DPP10: variants seen among roughly 807,000 people sequenced by gnomAD.
DPP10 encodes inactive dipeptidyl peptidase 10.
A neutral mutation model predicts 120.9 loss-of-function variants in DPP10; 33 were observed. The observed-to-expected ratio is 0.27, with a 90% confidence interval of 0.21 to 0.37. The LOEUF (loss-of-function observed/expected upper bound fraction) is 0.37. DPP10 is among the 10% of genes least tolerant of loss of function. The probability of loss-of-function intolerance (pLI) is 1.00; values close to 1 mark genes in which losing one functional copy is unlikely to be tolerated. For synonymous variants in DPP10, 337 were observed against 326.1 expected (o/e 1.03, Z -0.36); for missense variants, 816 against 942.8 (o/e 0.87, Z 1.76).
intron 5 of DPP10, among the ~76,000 whole-genome samples, chr2:115,615,477 T>G (rs935909978): frequency 1.3e-5 from 2 of 152,208 alleles, no homozygotes; most frequent in Non-Finnish European, 1.5e-5. Flanking sequence ...ACACAAATTC[T>G]GCTCTTACGA....
intron 3 of DPP10, among the ~76,000 whole-genome samples, chr2:115,491,304 G>A (rs1257581381): frequency 6.6e-6 from 1 of 152,138 alleles, no homozygotes; most frequent in Non-Finnish European, 1.5e-5. Context: ...AGGTATCCAG[G>A]GCAGGGGGAG....
chr2:115,831,572 G>T (rs919720812), intron 21 of DPP10, among the ~76,000 whole-genome samples: 1 of 152,030 alleles, frequency 6.6e-6, no homozygotes, highest in African/African-American at 2.4e-5. Context: ...GTCTGTCAGT[G>T]TATCCCTTTT....
At chr2:115,515,520 CA>C (rs2077457332) in intron 4 of DPP10, among the ~76,000 whole-genome samples, 2 of 152,048 alleles carry the variant, frequency 1.3e-5, no homozygotes, top group Admixed American at 1.3e-4. Context: ...AATTCCTGTG[CA>C]TAAGTCTTTC....
intron 1 of DPP10, among the ~76,000 whole-genome samples, chr2:115,024,713 A>ATATATTTGTTAT: frequency 6.8e-6 from 1 of 147,174 alleles, no homozygotes; most frequent in Non-Finnish European, 1.5e-5. Context: ...ATATTTGTTA[A>ATATATTTGTTAT]ATATATTTGT....
chr2:115,207,574 C>T (rs1212844725), intron 1 of DPP10, among the ~76,000 whole-genome samples: 2 of 151,976 alleles, frequency 1.3e-5, no homozygotes, highest in Non-Finnish European at 2.9e-5. Context: ...TTGTATCACA[C>T]GTAGATGGGA....
At chr2:115,301,371 C>CA (rs1266912463) in intron 1 of DPP10, among the ~76,000 whole-genome samples, 1 of 151,830 alleles carries the variant, frequency 6.6e-6, no homozygotes, top group African/African-American at 2.4e-5. Flanking sequence ...AGACAGAAAC[C>CA]AGTCCCTCAG....
intron 1 of DPP10, among the ~76,000 whole-genome samples, chr2:114,863,261 T>C (rs1689967172): frequency 6.6e-6 from 1 of 152,232 alleles, no homozygotes; most frequent in East Asian, 1.9e-4. Context: ...AGCCAGAATC[T>C]GATTCCTCCT....
At chr2:115,211,287 TAA>T in intron 1 of DPP10, among the ~76,000 whole-genome samples, 1 of 151,458 alleles carries the variant, frequency 6.6e-6, no homozygotes, top group East Asian at 1.9e-4. Flanking sequence ...GCCCAGATGA[TAA>T]GTTATCATTT....
chr2:115,026,609 C>T (rs10210056), intron 1 of DPP10, among the ~76,000 whole-genome samples: 3,447 of 152,210 alleles, frequency 0.023, 129 homozygotes, highest in African/African-American at 0.08. Flanking sequence ...CATCTCGGCT[C>T]ATTGCAACCT....
intron 1 of DPP10, among the ~76,000 whole-genome samples, chr2:114,563,131 T>C (rs1451351468): frequency 1.3e-5 from 2 of 152,206 alleles, no homozygotes; most frequent in Admixed American, 6.5e-5. Flanking sequence ...CCCAGTACTT[T>C]GGGAGGCCAA....
intron 3 of DPP10, among the ~76,000 whole-genome samples, chr2:115,464,593 C>G (rs962547697): frequency 2.0e-5 from 3 of 152,072 alleles, no homozygotes; most frequent in Non-Finnish European, 4.4e-5. Context: ...TTTACACATG[C>G]TACTCCTCAG....
At chr2:114,814,613 T>C (rs1300088168) in intron 1 of DPP10, among the ~76,000 whole-genome samples, 3 of 152,134 alleles carry the variant, frequency 2.0e-5, no homozygotes, top group African/African-American at 7.2e-5. Context: ...GCTACCGTAG[T>C]AGATATGGTG....
intron 1 of DPP10, among the ~76,000 whole-genome samples, chr2:115,067,072 C>G: frequency 6.6e-6 from 1 of 152,164 alleles, no homozygotes; most frequent in Non-Finnish European, 1.5e-5. Flanking sequence ...TTCCCTCACT[C>G]TCAAGACACT....
chr2:115,295,302 A>G (rs1476934753), intron 1 of DPP10, among the ~76,000 whole-genome samples: 1 of 152,142 alleles, frequency 6.6e-6, no homozygotes, highest in Non-Finnish European at 1.5e-5. Context: ...ATGATGTGAA[A>G]TGCATACTTG....
intron 4 of DPP10, among the ~76,000 whole-genome samples, chr2:115,508,333 AATAGAAAATAGG>A (rs140506813): frequency 0.062 from 9,451 of 152,200 alleles, 415 homozygotes; most frequent in Middle Eastern, 0.11. Flanking sequence ...CTGAAGATAC[AATAGAAAATAGG>A]AGAGAAAATA....
chr2:115,063,748 C>A (rs1006821151), intron 1 of DPP10, among the ~76,000 whole-genome samples: 2 of 152,128 alleles, frequency 1.3e-5, no homozygotes, highest in Non-Finnish European at 1.5e-5. Context: ...CTTCCTTACA[C>A]CTTATACAAA....
intron 1 of DPP10, among the ~76,000 whole-genome samples, chr2:114,947,338 A>T (rs1697440533): frequency 6.6e-6 from 1 of 150,724 alleles, no homozygotes; most frequent in Non-Finnish European, 1.5e-5. Context: ...ATTATTTTCC[A>T]TATTGGCCTA....
intron 1 of DPP10, among the ~76,000 whole-genome samples, chr2:114,460,316 C>G (rs149712112): frequency 3.3e-5 from 5 of 152,218 alleles, no homozygotes; most frequent in Non-Finnish European, 7.4e-5. Flanking sequence ...TAGTAATGCT[C>G]AATCCTTTCT....
intron 1 of DPP10, among the ~76,000 whole-genome samples, chr2:114,788,622 T>C (rs1188573127): frequency 6.6e-6 from 1 of 152,170 alleles, no homozygotes; most frequent in Non-Finnish European, 1.5e-5. Flanking sequence ...TTTCACCATG[T>C]TGGCCAGGAG....
Sources: allele counts gnomAD v4.1 joint callset (sites outside exome capture counted in the v4.1 genomes callset), GRCh38; gene constraint gnomAD v4.1.1; transcripts MANE v1.5; gene names NCBI Gene and HGNC (gene_info 2026-07-23, HGNC 2026-07-21).